The following UGT1A5 variants were observed in gnomAD, a reference collection of about 807,000 sequenced individuals.
UGT1A5 encodes the protein UDP-glucuronosyltransferase 1A5.
UGT1A5 carries 29 observed loss-of-function variants against 40.3 expected under a neutral mutation model. The ratio of observed to expected loss-of-function variants is 0.72; its 90% CI spans 0.54 to 0.98. UGT1A5 has a LOEUF of 0.98. Among genes scored for constraint, UGT1A5 ranks in the 50% least tolerant of loss-of-function variants. The pLI is 0.00. For missense variants in UGT1A5, 678 were observed against 677.9 expected (o/e 1.00, Z 0.00); for synonymous variants, 257 against 262.5 (o/e 0.98, Z 0.20).
intron 1 of UGT1A5, among the ~76,000 whole-genome samples, chr2:233,716,088 T>C (rs2076485865): frequency 6.6e-6 from 1 of 152,258 alleles, no homozygotes; most frequent in Non-Finnish European, 1.5e-5. Flanking sequence ...TGTAAGCTCA[T>C]TCCTTTAACA....
chr2:233,738,524 A>G (rs553988769), intron 1 of UGT1A5, among the ~76,000 whole-genome samples: 1 of 152,322 alleles, frequency 6.6e-6, no homozygotes, highest in South Asian at 2.1e-4. Context: ...TGTTGTGGAC[A>G]ATGAAGTCCA....
At chr2:233,756,457 C>A (rs1258626961) in intron 1 of UGT1A5, 1 of 151,910 alleles carries the variant, frequency 6.6e-6, no homozygotes, top group Non-Finnish European at 1.5e-5. Context: ...CAAATATTTT[C>A]AATCTGCTGT....
chr2:233,728,547 T>G (rs547390241), intron 1 of UGT1A5, among the ~76,000 whole-genome samples: 2 of 152,326 alleles, frequency 1.3e-5, no homozygotes, highest in African/African-American at 4.8e-5. Flanking sequence ...GAGTCCTCTC[T>G]GATCCTTACA....
intron 1 of UGT1A5, among the ~76,000 whole-genome samples, chr2:233,751,411 T>C (rs1183802209): frequency 1.3e-5 from 2 of 152,166 alleles, no homozygotes; most frequent in Admixed American, 6.5e-5. Flanking sequence ...ACTATGGACT[T>C]TTGAGCTAGT....
chr2:233,760,371 G>A, intron 1 of UGT1A5: 1 of 1,614,158 alleles, frequency 6.2e-7, no homozygotes, highest in Non-Finnish European at 8.5e-7. Flanking sequence ...CCCATGCTGG[G>A]AAGATACTGT....
At chr2:233,726,183 T>C (rs1209436998) in intron 1 of UGT1A5, among the ~76,000 whole-genome samples, 1 of 152,174 alleles carries the variant, frequency 6.6e-6, no homozygotes, top group Admixed American at 6.5e-5. Flanking sequence ...TAAAAATTTC[T>C]TTGGCATATG....
At chr2:233,765,745 A>T in intron 1 of UGT1A5, among the ~76,000 whole-genome samples, 1 of 151,724 alleles carries the variant, frequency 6.6e-6, no homozygotes, top group East Asian at 1.9e-4. Flanking sequence ...AAACCCATAA[A>T]GCCATTTGAG....
intron 1 of UGT1A5, chr2:233,719,459 C>G (rs758684998): frequency 1.9e-6 from 3 of 1,613,896 alleles, no homozygotes. Flanking sequence ...GGGTCAAGAA[C>G]ATGCTCTACC....
rs200752387 is a variant in UGT1A5, at chr2:233,752,746, A to AAAACAAAC, written c.868-14269_868-14262dup. On this transcript the variant is annotated intron_variant, in intron 1 of 4. Coordinates refer to ENST00000373414, the MANE Select transcript of UGT1A5 (RefSeq NM_019078.2). ...AGCTACAGAGAGAGACCCTGTCTCT[A>AAAACAAAC]AAACAAACAAACAAACAAACAAACA... Among the ~76,000 whole-genome samples, 41 of 152,308 alleles carry AAAACAAAC rather than the reference A, an allele frequency of 2.7e-4. No individual in the cohort carries two copies. The East Asian group carries it at 7.3e-3, about 27-fold the overall frequency.
chr2:233,718,603 T>G (rs2076667191), intron 1 of UGT1A5, among the ~76,000 whole-genome samples: 1 of 152,156 alleles, frequency 6.6e-6, no homozygotes, highest in Non-Finnish European at 1.5e-5. Flanking sequence ...TCAGATGAGC[T>G]TTTCAAGATA....
intron 1 of UGT1A5, chr2:233,760,950 T>C: frequency 1.2e-6 from 2 of 1,614,226 alleles, no homozygotes; most frequent in East Asian, 2.2e-5. Context: ...CACAGAACTT[T>C]CTGTGCGACG....
intron 1 of UGT1A5, chr2:233,718,738 T>C: frequency 6.2e-7 from 1 of 1,611,852 alleles, no homozygotes; most frequent in Non-Finnish European, 8.5e-7. Flanking sequence ...GGTGGCTCAA[T>C]GACAAGGTAA....
intron 1 of UGT1A5, among the ~76,000 whole-genome samples, chr2:233,746,438 T>C (rs1187941624): frequency 1.3e-5 from 2 of 151,694 alleles, no homozygotes; most frequent in African/African-American, 4.9e-5. Context: ...TGTCTTCAGC[T>C]TAAAAAGAAA....
chr2:233,715,087 T>C (rs2076431912), intron 1 of UGT1A5, among the ~76,000 whole-genome samples: 1 of 152,132 alleles, frequency 6.6e-6, no homozygotes, highest in Non-Finnish European at 1.5e-5. Context: ...AGTTTCATCA[T>C]ATTGGCCAGG....
intron 1 of UGT1A5, among the ~76,000 whole-genome samples, chr2:233,751,156 T>G (rs1334188650): frequency 6.6e-6 from 1 of 151,998 alleles, no homozygotes; most frequent in Non-Finnish European, 1.5e-5. Context: ...ACTTCTGGCA[T>G]CAGCATGACC....
intron 1 of UGT1A5, among the ~76,000 whole-genome samples, chr2:233,714,201 T>C (rs2076373171): frequency 6.6e-6 from 1 of 152,184 alleles, no homozygotes. Flanking sequence ...CACTGAGAAC[T>C]GATCCATCCA....
chr2:233,739,406 C>T (rs1344467177), intron 1 of UGT1A5, among the ~76,000 whole-genome samples: 1 of 152,190 alleles, frequency 6.6e-6, no homozygotes, highest in Non-Finnish European at 1.5e-5. Context: ...CAATGCCACC[C>T]TCTGAAAGCA....
chr2:233,747,488 T>C lies in UGT1A5; in HGVS notation c.868-19546T>C. 5.0e-6 allele frequency: 8 copies of C among 1,608,972 alleles called. No homozygotes were observed. In the South Asian group the frequency reaches 8.8e-5, roughly 18 times the overall value. On this transcript the variant is annotated intron_variant, in intron 1 of 4. Coordinates refer to ENST00000373414, the MANE Select transcript of UGT1A5 (RefSeq NM_019078.2). Reference sequence around the variant, plus strand: ...GGACCCAGGATGAATTTGATCGCCTTGTGCTGGGCCACACTCAACTGTACT... The same window carrying C: ...GGACCCAGGATGAATTTGATCGCCTCGTGCTGGGCCACACTCAACTGTACT...
chr2:233,715,554 T>C (rs952173326), intron 1 of UGT1A5, among the ~76,000 whole-genome samples: 2 of 152,138 alleles, frequency 1.3e-5, no homozygotes, highest in African/African-American at 2.4e-5. Context: ...GGAGGATTGC[T>C]TGAGCCCAGG....
Sources: gnomAD v4.1 joint callset for allele counts (sites outside exome capture counted in the v4.1 genomes callset) on GRCh38, gnomAD v4.1.1 for gene constraint, MANE v1.5 for transcripts, NCBI Gene and HGNC (gene_info 2026-07-23, HGNC 2026-07-21) for gene names.